The following PDE4D variants were observed in gnomAD, a reference collection of about 807,000 sequenced individuals.
PDE4D encodes the protein 3',5'-cyclic-AMP phosphodiesterase 4D.
PDE4D carries 24 observed loss-of-function variants against 87.4 expected under a neutral mutation model. That is an observed-to-expected ratio of 0.27 (90% CI 0.20 to 0.39). PDE4D has a LOEUF of 0.39. Ranked by LOEUF, PDE4D falls within the 10% of genes least tolerant of loss-of-function variation. The pLI is 1.00. For missense variants in PDE4D, 714 were observed against 1,041.0 expected (o/e 0.69, Z 4.32); for synonymous variants, 384 against 383.2 (o/e 1.00, Z -0.02).
Position 59,830,578 on chromosome 5 carries a change from A to G in PDE4D, c.455+62590T>C, listed in dbSNP as rs1032490430. ...AGATATCTTTGTTATTGTCATCATC[A>G]TCTTCATGTAGCCTTTACCAAATAC... On this transcript the variant is annotated intron_variant, in intron 1 of 14. Transcript: ENST00000340635. Among the ~76,000 whole-genome samples, 79 of 152,132 alleles carry G rather than the reference A, an allele frequency of 5.2e-4. 1 individual carries two copies. Among genetic ancestry groups the G allele is most frequent in the African/African-American group, 1.9e-3 (78 of 41,442 alleles).
chr5:59,277,467 AATT>A (rs1479629933), intron 1 of PDE4D, among the ~76,000 whole-genome samples: 2 of 152,098 alleles, frequency 1.3e-5, no homozygotes, highest in Non-Finnish European at 2.9e-5. Context: ...TTGTGAGACT[AATT>A]ATTTTTAGGG....
chr5:59,783,990 C>T (rs981874154), intron 1 of PDE4D, among the ~76,000 whole-genome samples: 1 of 152,072 alleles, frequency 6.6e-6, no homozygotes. Flanking sequence ...CCTGGAAGGT[C>T]AAGGCTGCAG....
intron 1 of PDE4D, among the ~76,000 whole-genome samples, chr5:60,475,915 T>C (rs916069527): frequency 1.3e-5 from 2 of 150,448 alleles, no homozygotes; most frequent in African/African-American, 4.9e-5. Flanking sequence ...GTGCCTAACA[T>C]AGAGTGACAT....
At chr5:58,999,328 T>C (rs921980354) in intron 6 of PDE4D, among the ~76,000 whole-genome samples, 3 of 152,202 alleles carry the variant, frequency 2.0e-5, no homozygotes, top group Admixed American at 2.0e-4. Flanking sequence ...ATGAAAGTTA[T>C]ACAATCTTAT....
intron 1 of PDE4D, among the ~76,000 whole-genome samples, chr5:60,422,368 GAA>G (rs1303884203): frequency 1.3e-5 from 2 of 152,170 alleles, no homozygotes; most frequent in African/African-American, 4.8e-5. Context: ...TTATAAGACA[GAA>G]AAGAGTGGGG....
At chr5:59,437,662 C>T (rs1050718742) in intron 1 of PDE4D, among the ~76,000 whole-genome samples, 1 of 151,272 alleles carries the variant, frequency 6.6e-6, no homozygotes, top group African/African-American at 2.4e-5. Flanking sequence ...TGAGCATGTA[C>T]TATGTATACA....
At chr5:60,162,783 A>G (rs780478670) in intron 2 of PDE4D, among the ~76,000 whole-genome samples, 55 of 152,258 alleles carry the variant, frequency 3.6e-4, no homozygotes, top group Non-Finnish European at 5.1e-4. Context: ...ATGCTACCCA[A>G]CCACAAATGG....
intron 1 of PDE4D, among the ~76,000 whole-genome samples, chr5:59,616,523 ATTAAGT>A (rs1310701073): frequency 7.2e-5 from 11 of 152,090 alleles, no homozygotes; most frequent in African/African-American, 1.9e-4. Context: ...GGCAACTCAT[ATTAAGT>A]TTAAGAATAG....
At chr5:59,317,712 C>T (rs1774009943) in intron 1 of PDE4D, among the ~76,000 whole-genome samples, 3 of 152,138 alleles carry the variant, frequency 2.0e-5, no homozygotes, top group Non-Finnish European at 2.9e-5. Context: ...ATGGGTGAGA[C>T]AAGGGCAGGA....
At chr5:60,210,357 T>TA (rs202042094) in intron 1 of PDE4D, among the ~76,000 whole-genome samples, 360 of 151,736 alleles carry the variant, frequency 2.4e-3, no homozygotes, top group African/African-American at 6.3e-3. Flanking sequence ...GTTTTTTTTT[T>TA]AAAAAAACAA....
chr5:59,972,456 C>T (rs972422519), intron 3 of PDE4D, among the ~76,000 whole-genome samples: 3 of 152,202 alleles, frequency 2.0e-5, no homozygotes, highest in Non-Finnish European at 2.9e-5. Flanking sequence ...ACAAAGGATC[C>T]GGCTTGTCAG....
intron 5 of PDE4D, among the ~76,000 whole-genome samples, chr5:59,082,383 T>C (rs1766919968): frequency 6.6e-6 from 1 of 152,118 alleles, no homozygotes; most frequent in African/African-American, 2.4e-5. Context: ...GCTGTACAAA[T>C]ATTTTTAAGA....
At chr5:59,868,639 C>A (rs1747388297) in intron 1 of PDE4D, among the ~76,000 whole-genome samples, 1 of 152,148 alleles carries the variant, frequency 6.6e-6, no homozygotes, top group East Asian at 1.9e-4. Flanking sequence ...TCTCTAACTC[C>A]ATCAGTAATG....
chr5:59,656,643 CACT>C (rs1744406474), intron 1 of PDE4D, among the ~76,000 whole-genome samples: 1 of 152,120 alleles, frequency 6.6e-6, no homozygotes, highest in Admixed American at 6.5e-5. Context: ...ATATTGTCAC[CACT>C]ACGTGTGAGA....
intron 1 of PDE4D, among the ~76,000 whole-genome samples, chr5:59,263,102 A>G (rs1762296858): frequency 6.6e-6 from 1 of 151,954 alleles, no homozygotes; most frequent in African/African-American, 2.4e-5. Flanking sequence ...CTCACCCAGT[A>G]CAATCTCCTG....
intron 1 of PDE4D, among the ~76,000 whole-genome samples, chr5:60,339,070 C>T (rs911152499): frequency 3.9e-5 from 6 of 152,192 alleles, no homozygotes; most frequent in Admixed American, 6.5e-5. Context: ...ATAACCTTTG[C>T]AGATCAAGGT....
chr5:59,681,478 C>T (rs889079342), intron 1 of PDE4D, among the ~76,000 whole-genome samples: 1 of 152,164 alleles, frequency 6.6e-6, no homozygotes, highest in African/African-American at 2.4e-5. Context: ...AAGTTCACAT[C>T]TTGGAAGCTT....
intron 1 of PDE4D, among the ~76,000 whole-genome samples, chr5:60,251,454 G>A (rs1318292921): frequency 2.6e-5 from 4 of 151,940 alleles, no homozygotes; most frequent in Non-Finnish European, 5.9e-5. Flanking sequence ...GTGAGAACAT[G>A]CAGTATTTGG....
intron 1 of PDE4D, among the ~76,000 whole-genome samples, chr5:59,487,923 T>C (rs1038181157): frequency 6.6e-6 from 1 of 152,182 alleles, no homozygotes; most frequent in Non-Finnish European, 1.5e-5. Context: ...TTTAGAGAGC[T>C]ACCACAAGTG....
Sources: allele counts gnomAD v4.1 joint callset (sites outside exome capture counted in the v4.1 genomes callset), GRCh38; gene constraint gnomAD v4.1.1; transcripts MANE v1.5; gene names NCBI Gene and HGNC (gene_info 2026-07-23, HGNC 2026-07-21).